Variants in INTS7 observed in about 807,000 individuals in gnomAD.
The protein encoded by INTS7 is chromosome 1 open reading frame 73.
INTS7 carries 46 observed loss-of-function variants against 109.2 expected under a neutral mutation model. That is an observed-to-expected ratio of 0.42 (90% CI 0.33 to 0.54). INTS7 has a LOEUF of 0.54. Ranked by LOEUF, INTS7 falls within the 20% of genes least tolerant of loss-of-function variation. INTS7 has a pLI of 0.07. For missense variants in INTS7, 929 were observed against 1,132.4 expected (o/e 0.82, Z 2.58); for synonymous variants, 412 against 402.9 (o/e 1.02, Z -0.27).
intron 4 of INTS7, among the ~76,000 whole-genome samples, chr1:212,012,532 G>A (rs1433076602): frequency 6.6e-6 from 1 of 152,124 alleles, no homozygotes; most frequent in African/African-American, 2.4e-5. Flanking sequence ...GAGGTGAGAG[G>A]ATCACTTGAG....
intron 4 of INTS7, among the ~76,000 whole-genome samples, chr1:212,015,569 A>C (rs143010779): frequency 0.026 from 3,960 of 152,132 alleles, 56 homozygotes; most frequent in African/African-American, 0.046. Flanking sequence ...ACAAACACTG[A>C]GGAAGGCCGC....
intron 17 of INTS7, among the ~76,000 whole-genome samples, chr1:211,951,188 G>C (rs1024404833): frequency 7.2e-5 from 11 of 152,214 alleles, no homozygotes; most frequent in African/African-American, 2.7e-4. Flanking sequence ...TCAAAGGCTG[G>C]GAATTGGGAA....
intron 13 of INTS7, among the ~76,000 whole-genome samples, chr1:211,971,077 C>T (rs574311728): frequency 4.6e-5 from 7 of 152,292 alleles, no homozygotes; most frequent in Admixed American, 1.3e-4. Flanking sequence ...TACACAGCTC[C>T]GAGTGAGGTC....
Position 212,006,742 on chromosome 1 carries a change from T to C in INTS7, c.776A>G (p.Tyr259Cys). 1.2e-6 allele frequency: 2 copies of C among 1,604,496 alleles called. No individual in the cohort carries two copies. The highest frequency in any genetic ancestry group is 1.7e-6 in the Non-Finnish European group (2 of 1,174,132). ...TPKQIQLLLQ[Y>C]LKNDPRKAVK... The stretch of plus-strand genomic sequence containing the variant: ...TGCCTTCCTGGGATCATTCTTCAAA[T>C]ACTGCAACAGAAGCTGAATCTATAA... Residue 259 changes from tyrosine (Y) to cysteine (C), a missense_variant, in exon 7 of 20, where the codon TAT becomes TGT. Coordinates refer to ENST00000366994, the MANE Select transcript of INTS7 (RefSeq NM_015434.4).
At chr1:212,008,220 G>A (rs1360726904) in intron 5 of INTS7, among the ~76,000 whole-genome samples, 1 of 152,112 alleles carries the variant, frequency 6.6e-6, no homozygotes, top group Non-Finnish European at 1.5e-5. Flanking sequence ...CTCTACTTGG[G>A]TTTGCCAGAG....
At chr1:212,008,106 G>A (rs536088162) in intron 5 of INTS7, among the ~76,000 whole-genome samples, 1 of 152,292 alleles carries the variant, frequency 6.6e-6, no homozygotes, top group Admixed American at 6.5e-5. Context: ...TATACTCTGC[G>A]TATTGCTGGC....
intron 7 of INTS7, among the ~76,000 whole-genome samples, chr1:211,999,607 C>A (rs1411300532): frequency 1.3e-5 from 2 of 152,114 alleles, no homozygotes; most frequent in African/African-American, 2.4e-5. Context: ...CATAATAAAT[C>A]TGGCTTTTTA....
chr1:212,019,794 G>A (rs1042285922), intron 3 of INTS7, among the ~76,000 whole-genome samples: 1 of 152,124 alleles, frequency 6.6e-6, no homozygotes, highest in Non-Finnish European at 1.5e-5. Flanking sequence ...AAAACATTAA[G>A]TACAAGGGCA....
intron 10 of INTS7, 47 bp from the exon 11 acceptor site, chr1:211,978,558 A>T: frequency 6.2e-7 from 1 of 1,608,164 alleles, no homozygotes; most frequent in Non-Finnish European, 8.5e-7. Flanking sequence ...GAAGATACAG[A>T]TGAAGCTTTA....
chr1:211,953,453 G>A (rs1469492360), intron 16 of INTS7, among the ~76,000 whole-genome samples: 1 of 151,186 alleles, frequency 6.6e-6, no homozygotes, highest in African/African-American at 2.4e-5. Flanking sequence ...ACAATGTGCA[G>A]GTTTGTTACA....
At chr1:212,033,946 G>C (rs553484286) in intron 1 of INTS7, among the ~76,000 whole-genome samples, 3 of 152,250 alleles carry the variant, frequency 2.0e-5, no homozygotes, top group South Asian at 4.2e-4. Flanking sequence ...AGCCGGGCGT[G>C]GTGGCGGGCG....
At chr1:212,021,437 G>C (rs911473127) in intron 1 of INTS7, among the ~76,000 whole-genome samples, 1 of 151,716 alleles carries the variant, frequency 6.6e-6, no homozygotes, top group Non-Finnish European at 1.5e-5. Context: ...TTTTTTAAAG[G>C]TAAGAGTTAA....
At chr1:212,013,349 T>C (rs772673624) in intron 4 of INTS7, among the ~76,000 whole-genome samples, 9 of 152,140 alleles carry the variant, frequency 5.9e-5, no homozygotes, top group Non-Finnish European at 1.0e-4. Context: ...AAAAAGCTTA[T>C]AGAATAAGGA....
chr1:212,026,657 G>A (rs189137035), intron 1 of INTS7, among the ~76,000 whole-genome samples: 168 of 152,306 alleles, frequency 1.1e-3, no homozygotes, highest in African/African-American at 3.8e-3. Flanking sequence ...TGAGGATGGA[G>A]GTGAGAAGGA....
At chr1:211,979,528 A>G (rs1211842983) in intron 10 of INTS7, among the ~76,000 whole-genome samples, 1 of 152,264 alleles carries the variant, frequency 6.6e-6, no homozygotes, top group African/African-American at 2.4e-5. Context: ...CATAATAGAC[A>G]TTCAAATAAC....
At chr1:211,985,849 C>T (rs1422548482) in intron 8 of INTS7, among the ~76,000 whole-genome samples, 1 of 152,192 alleles carries the variant, frequency 6.6e-6, no homozygotes, top group Non-Finnish European at 1.5e-5. Context: ...TCTATCACAG[C>T]TCTTTCAAAG....
chr1:211,956,625 G>A (rs1663373061), intron 16 of INTS7, among the ~76,000 whole-genome samples: 1 of 151,216 alleles, frequency 6.6e-6, no homozygotes, highest in Admixed American at 6.6e-5. Flanking sequence ...TTTTTTTCTT[G>A]CTCAGACTAG....
At chr1:211,967,843 AAAGAAC>A in intron 15 of INTS7, 29 bp downstream of exon 15, 1 of 1,161,112 alleles carries the variant, frequency 8.6e-7, no homozygotes, top group Middle Eastern at 1.9e-4. Context: ...ATACTTCCAA[AAAGAAC>A]AAGAAGTACT....
chr1:211,941,870 T>C lies in INTS7; in HGVS notation c.2843A>G (p.Gln948Arg). Residue 948 changes from glutamine to arginine, a missense_variant, in exon 20 of 20, where the codon CAG becomes CGG. Around this residue, in one of 2 missense-constraint regions of INTS7, gnomAD observed 787 missense variants for 901.1 expected, o/e 0.87. Transcript: ENST00000366994. Reference sequence around the variant, plus strand: ...GCGTTGCTGCTGCTGCTGTAATGGCTGCTGGGCTTGCTGCTGTTGTAAGCG... The same window carrying C: ...GCGTTGCTGCTGCTGCTGTAATGGCCGCTGGGCTTGCTGCTGTTGTAAGCG... ...QIRLQQQQAQ[Q>R]PLQQQQQRNA... 1 of 1,614,248 alleles carries C rather than the reference T, an allele frequency of 6.2e-7. No individual in the cohort carries two copies. The highest frequency in any genetic ancestry group is 8.5e-7 in the Non-Finnish European group (1 of 1,180,046).
Sources: gnomAD v4.1 joint callset for allele counts (sites outside exome capture counted in the v4.1 genomes callset) on GRCh38, gnomAD v4.1.1 for gene constraint, gnomAD v4.1.1 regional missense constraint, MANE v1.5 for transcripts, NCBI Gene and HGNC (gene_info 2026-07-23, HGNC 2026-07-21) for gene names.